IL1RAPL1: variants seen among roughly 807,000 people sequenced by gnomAD.
IL1RAPL1 encodes the protein interleukin 1 receptor accessory protein like 1, also known as interleukin-1 receptor accessory protein-like 1.
Under a neutral mutation model 48.4 loss-of-function variants are expected in IL1RAPL1, and 3 were observed. The observed-to-expected ratio is 0.06, with a 90% CI of 0.03 to 0.16. IL1RAPL1 has a LOEUF of 0.16. IL1RAPL1 is among the 10% of genes least tolerant of loss of function. The probability of loss-of-function intolerance (pLI) is 1.00; values close to 1 mark genes in which losing one functional copy is unlikely to be tolerated. For missense variants in IL1RAPL1, 349 were observed against 530.6 expected (o/e 0.66, Z 3.36); for synonymous variants, 185 against 187.7 (o/e 0.99, Z 0.12).
intron 5 of IL1RAPL1, among the ~76,000 whole-genome samples, chrX:29,495,000 G>A (rs953611316): frequency 5.4e-5 from 6 of 111,821 alleles, no homozygotes; most frequent in African/African-American, 1.9e-4. Context: ...TACATTTCCA[G>A]TTTCTAAAAG....
rs775696267 is a variant in IL1RAPL1 at position 28,867,518 on chromosome X, T to C, written c.82+78093T>C. Among the ~76,000 whole-genome samples, 10 of 112,192 alleles carry C rather than the reference T, an allele frequency of 8.9e-5. No homozygotes were observed. In the South Asian group the frequency reaches 1.9e-3, roughly 21 times the overall value. The stretch of plus-strand genomic sequence containing the variant: ...TAAATGTGTATCTTGTCTAAGCCTG[T>C]TTAGGAGTCTCTTCTTCTTATAGTC... On this transcript the variant is annotated intron_variant, in intron 2 of 10. Transcript: ENST00000378993.
intron 2 of IL1RAPL1, among the ~76,000 whole-genome samples, chrX:29,108,943 C>G (rs779875318): frequency 2.4e-3 from 263 of 110,894 alleles, no homozygotes; most frequent in Non-Finnish European, 4.0e-3. Context: ...GACCAGTTTT[C>G]CAGAGTAAGA....
In IL1RAPL1 at chrX:29,296,507, T is replaced by C. The variant is rs533319065; in HGVS notation, c.362+13290T>C. On this transcript the variant is annotated intron_variant, in intron 3 of 10. Transcript: ENST00000378993. ...TATTTGTAGAATGAGTAATGCATAT[T>C]CTTGGACAACCTTCTTTTTTTTTTT... 4.0e-5 allele frequency among the ~76,000 whole-genome samples: 4 copies of C among 100,109 alleles called. No homozygotes were observed. In the South Asian group the frequency reaches 1.4e-3, roughly 34 times the overall value. The allele number at this position is 100,109 out of a possible 115,157, so 86.9% of individuals were successfully genotyped here.
intron 6 of IL1RAPL1, among the ~76,000 whole-genome samples, chrX:29,798,206 C>T (rs960192105): frequency 7.1e-5 from 8 of 112,001 alleles, no homozygotes; most frequent in African/African-American, 2.6e-4. Flanking sequence ...AGTCGGTCTG[C>T]CGTGAGTGAG....
At chrX:29,120,916 A>G (rs1569240857) in intron 2 of IL1RAPL1, among the ~76,000 whole-genome samples, 1 of 112,162 alleles carries the variant, frequency 8.9e-6, no homozygotes. Context: ...TATCCCAGTT[A>G]TGCAAAACTG....
chrX:29,176,084 G>C (rs1180983643), intron 2 of IL1RAPL1, among the ~76,000 whole-genome samples: 1 of 86,568 alleles, frequency 1.2e-5, no homozygotes, highest in Non-Finnish European at 2.3e-5. Context: ...TTGGTAATTT[G>C]CTTTTTTTTT....
intron 3 of IL1RAPL1, chrX:29,369,044 TATC>T (rs1282577295): frequency 8.9e-6 from 1 of 111,952 alleles, no homozygotes; most frequent in East Asian, 2.8e-4. Flanking sequence ...CAACCTGAGA[TATC>T]ATAGCTGCCT....
At position 29,269,057 on chromosome X, in the gene IL1RAPL1, C is replaced by A. The variant is rs193025569; in HGVS notation, c.83-13881C>A. On this transcript the variant is annotated intron_variant, in intron 2 of 10. Coordinates refer to ENST00000378993, the MANE Select transcript of IL1RAPL1 (RefSeq NM_014271.4). Reference sequence around the variant, plus strand: ...AAGAAAGGATTCTGAATTGGATGAACCATGAAGTCCTAAGTTCCTCTTTAA... The same window carrying A: ...AAGAAAGGATTCTGAATTGGATGAAACATGAAGTCCTAAGTTCCTCTTTAA... 3.6e-5 allele frequency among the ~76,000 whole-genome samples: 4 copies of A among 111,982 alleles called. No homozygotes were observed. The East Asian group carries it at 8.4e-4, about 24-fold the overall frequency.
intron 2 of IL1RAPL1, among the ~76,000 whole-genome samples, chrX:28,926,200 C>G (rs1040984371): frequency 1.3e-4 from 15 of 111,955 alleles, no homozygotes; most frequent in Non-Finnish European, 3.8e-5. Flanking sequence ...TATTGAGCAG[C>G]ACAGAAAGAC....
At chrX:29,280,454 A>G (rs1932183940) in intron 2 of IL1RAPL1, among the ~76,000 whole-genome samples, 2 of 112,432 alleles carry the variant, frequency 1.8e-5, no homozygotes, top group African/African-American at 3.2e-5. Context: ...TTAAAAAACA[A>G]TATGTGACAG....
chrX:28,821,318 AT>A (rs1033006434), intron 2 of IL1RAPL1, among the ~76,000 whole-genome samples: 10 of 111,021 alleles, frequency 9.0e-5, no homozygotes, highest in Admixed American at 9.6e-5. Context: ...TTGTTCCTAG[AT>A]TTTTTTAATG....
intron 3 of IL1RAPL1, among the ~76,000 whole-genome samples, chrX:29,335,024 G>A (rs1275817173): frequency 9.0e-6 from 1 of 111,233 alleles, no homozygotes; most frequent in African/African-American, 3.3e-5. Flanking sequence ...CTGCAATCCC[G>A]GCACCTCGGG....
intron 1 of IL1RAPL1, among the ~76,000 whole-genome samples, chrX:28,603,989 A>G (rs760069044): frequency 8.9e-6 from 1 of 112,462 alleles, no homozygotes; most frequent in East Asian, 2.8e-4. Context: ...GGTTGCATCA[A>G]TAATGCAGAA....
chrX:29,773,507 C>T (rs749773028), intron 6 of IL1RAPL1, among the ~76,000 whole-genome samples: 4 of 112,351 alleles, frequency 3.6e-5, no homozygotes, highest in African/African-American at 1.3e-4. Context: ...CAACTACATA[C>T]GAAAGAGTTT....
At chrX:29,186,144 T>A (rs1278181864) in intron 2 of IL1RAPL1, among the ~76,000 whole-genome samples, 1 of 112,080 alleles carries the variant, frequency 8.9e-6, no homozygotes, top group Non-Finnish European at 1.9e-5. Context: ...TTCATAAAAA[T>A]TATGACACAT....
intron 6 of IL1RAPL1, among the ~76,000 whole-genome samples, chrX:29,718,647 G>A (rs978102246): frequency 1.9e-5 from 2 of 106,686 alleles, no homozygotes; most frequent in African/African-American, 6.9e-5. Context: ...CTGGAGACAT[G>A]CTTCAGTCTG....
intron 3 of IL1RAPL1, among the ~76,000 whole-genome samples, chrX:29,378,318 C>G (rs1055799875): frequency 8.9e-6 from 1 of 111,947 alleles, no homozygotes; most frequent in Admixed American, 9.5e-5. Flanking sequence ...CAACTGTCTC[C>G]TGAATCTCAA....
At chrX:29,547,550 T>A (rs769566813) in intron 5 of IL1RAPL1, among the ~76,000 whole-genome samples, 4 of 111,876 alleles carry the variant, frequency 3.6e-5, no homozygotes, top group Non-Finnish European at 7.5e-5. Flanking sequence ...TCTTGGGAAA[T>A]ATTTTATTTA....
intron 6 of IL1RAPL1, among the ~76,000 whole-genome samples, chrX:29,902,524 C>A (rs190286748): frequency 8.0e-4 from 89 of 110,798 alleles, no homozygotes; most frequent in African/African-American, 2.8e-3. Flanking sequence ...GTGGGAAATC[C>A]CCCAGCAGCT....
Sources: allele counts gnomAD v4.1 joint callset (sites outside exome capture counted in the v4.1 genomes callset), GRCh38; gene constraint gnomAD v4.1.1; transcripts MANE v1.5; gene names NCBI Gene and HGNC (gene_info 2026-07-23, HGNC 2026-07-21).